The following MMP16 variants were observed in gnomAD, a reference collection of about 807,000 sequenced individuals.
The protein encoded by MMP16 is matrix metallopeptidase 16.
MMP16 carries 12 observed loss-of-function variants against 67.8 expected under a neutral mutation model. That is an observed-to-expected ratio of 0.18 (90% CI 0.11 to 0.29). The LOEUF (loss-of-function observed/expected upper bound fraction) is 0.29, where lower values mean the gene tolerates loss of function less well. Among genes scored for constraint, MMP16 ranks in the 10% least tolerant of loss-of-function variants. The pLI, the probability that MMP16 is intolerant of heterozygous loss-of-function variation, is 1.00. For synonymous variants in MMP16, 249 were observed against 255.9 expected (o/e 0.97, Z 0.26); for missense variants, 475 against 765.7 (o/e 0.62, Z 4.48).
chr8:88,231,597 A>G (rs1809859809), intron 1 of MMP16, among the ~76,000 whole-genome samples: 1 of 152,184 alleles, frequency 6.6e-6, no homozygotes, highest in South Asian at 2.1e-4. Flanking sequence ...ACCAAAGTTC[A>G]TGACTGCCAT....
chr8:88,182,683 A>T (rs1809000423), intron 3 of MMP16, among the ~76,000 whole-genome samples: 2 of 152,196 alleles, frequency 1.3e-5, no homozygotes, highest in South Asian at 4.1e-4. Context: ...GTCTTATCAT[A>T]TGATCAGCAA....
intron 1 of MMP16, among the ~76,000 whole-genome samples, chr8:88,284,044 A>G (rs1810785176): frequency 6.6e-6 from 1 of 152,236 alleles, no homozygotes; most frequent in African/African-American, 2.4e-5. Flanking sequence ...CCCAAACATC[A>G]TCACCTTTTG....
chr8:88,078,083 C>T (rs1227879534), intron 6 of MMP16, among the ~76,000 whole-genome samples: 2 of 151,804 alleles, frequency 1.3e-5, no homozygotes, highest in African/African-American at 4.8e-5. Context: ...TCTTTGTTTT[C>T]TTCTCTCTCC....
At chr8:88,248,825 A>T (rs1403417714) in intron 1 of MMP16, among the ~76,000 whole-genome samples, 1 of 151,698 alleles carries the variant, frequency 6.6e-6, no homozygotes, top group Non-Finnish European at 1.5e-5. Context: ...TTTCCCAATT[A>T]TACTGCAGAT....
At chr8:88,299,897 A>G (rs1041943721) in intron 1 of MMP16, among the ~76,000 whole-genome samples, 1 of 152,194 alleles carries the variant, frequency 6.6e-6, no homozygotes, top group Non-Finnish European at 1.5e-5. Context: ...ATGTCTTTCC[A>G]GATTATATAA....
At chr8:88,206,048 C>A (rs1485764262) in intron 1 of MMP16, among the ~76,000 whole-genome samples, 1 of 151,842 alleles carries the variant, frequency 6.6e-6, no homozygotes, top group Non-Finnish European at 1.5e-5. Flanking sequence ...CAAGAAACTA[C>A]AAGATTCTCC....
intron 6 of MMP16, 114 bp from the exon 7 acceptor site, chr8:88,074,857 A>G (rs1225493492): frequency 3.0e-6 from 4 of 1,333,976 alleles, no homozygotes; most frequent in African/African-American, 1.5e-5. Context: ...ATTGTCTTAC[A>G]TTAAATCAGT....
At chr8:88,073,641 G>C (rs570580074) in intron 7 of MMP16, among the ~76,000 whole-genome samples, 2 of 152,194 alleles carry the variant, frequency 1.3e-5, no homozygotes, top group Non-Finnish European at 2.9e-5. Context: ...GGTAGTTTGA[G>C]CCTCACTTTA....
chr8:88,046,484 G>A (rs1808200354), intron 9 of MMP16, among the ~76,000 whole-genome samples, 185 bp downstream of exon 9: 1 of 151,914 alleles, frequency 6.6e-6, no homozygotes, highest in Non-Finnish European at 1.5e-5. Context: ...CTAAGTTGAG[G>A]TTAAAAAATG....
chr8:88,137,086 G>A (rs1349971354), intron 4 of MMP16, among the ~76,000 whole-genome samples: 1 of 151,814 alleles, frequency 6.6e-6, no homozygotes, highest in Non-Finnish European at 1.5e-5. Flanking sequence ...TATTCTGGTG[G>A]ATGAGTGATA....
At chr8:88,182,049 C>T (rs1400335309) in intron 3 of MMP16, among the ~76,000 whole-genome samples, 2 of 152,048 alleles carry the variant, frequency 1.3e-5, no homozygotes, top group Non-Finnish European at 2.9e-5. Context: ...AACTACTAAA[C>T]ATCTAGAATA....
Position 88,327,256 on chromosome 8 carries a change from C to T in MMP16, c.-50G>A. The stretch of plus-strand genomic sequence containing the variant: ...ACGAGCTCCCCTTCGTTTTCTCCCT[C>T]TCTCCCTCTCCCTCCCTCCCTCGTT... On this transcript the variant is annotated 5_prime_UTR_variant, in exon 1 of 10. Transcript: ENST00000286614. The T allele has an allele frequency of 6.2e-7, 1 of 1,609,760 alleles. No homozygotes were observed. Among genetic ancestry groups the T allele is most frequent in the Non-Finnish European group, 8.5e-7 (1 of 1,177,104 alleles).
At chr8:88,249,180 A>C (rs573050754) in intron 1 of MMP16, among the ~76,000 whole-genome samples, 6 of 152,096 alleles carry the variant, frequency 3.9e-5, no homozygotes, top group Non-Finnish European at 7.4e-5. Context: ...GTCATGCAGC[A>C]TGCCTGGTGG....
rs115051502 is a variant in MMP16, at chr8:88,314,910, C to T, written c.132+12165G>A. ...CCTTGGTCTCCTTATACACCCAGCTCCATTCCTTAACTCAGAGTCTGTCCA... is the reference window on the plus strand; with the variant it reads ...CCTTGGTCTCCTTATACACCCAGCTTCATTCCTTAACTCAGAGTCTGTCCA... On this transcript the variant is annotated intron_variant, in intron 1 of 9. Transcript: ENST00000286614. Among the ~76,000 whole-genome samples, 853 of 152,276 alleles carry T rather than the reference C, an allele frequency of 5.6e-3. 9 individuals are homozygous for T. Among genetic ancestry groups the T allele is most frequent in the African/African-American group, 0.019 (803 of 41,550 alleles).
chr8:88,291,262 CAG>C (rs1371869055), intron 1 of MMP16, among the ~76,000 whole-genome samples: 2 of 152,188 alleles, frequency 1.3e-5, no homozygotes, highest in African/African-American at 4.8e-5. Flanking sequence ...GCCTAAGCAA[CAG>C]AGTCACACCC....
At chr8:88,263,013 G>A (rs569543468) in intron 1 of MMP16, among the ~76,000 whole-genome samples, 326 of 146,964 alleles carry the variant, frequency 2.2e-3, no homozygotes, top group Middle Eastern at 0.018. Context: ...GACAGAGCAA[G>A]ACTCCGTCTC....
intron 6 of MMP16, among the ~76,000 whole-genome samples, chr8:88,111,335 C>A (rs767661646): frequency 6.6e-6 from 1 of 151,624 alleles, no homozygotes; most frequent in Non-Finnish European, 1.5e-5. Flanking sequence ...ACCTGTGAAA[C>A]GACAGTCTGG....
chr8:88,252,418 T>C (rs948497583), intron 1 of MMP16, among the ~76,000 whole-genome samples: 5 of 152,074 alleles, frequency 3.3e-5, no homozygotes, highest in Admixed American at 3.3e-4. Context: ...AATATTTTCA[T>C]TATTGCCTAT....
At chr8:88,106,618 A>C (rs888997802) in intron 6 of MMP16, among the ~76,000 whole-genome samples, 2 of 151,278 alleles carry the variant, frequency 1.3e-5, no homozygotes, top group Non-Finnish European at 3.0e-5. Context: ...CCACATTTTC[A>C]CAAATGTAAG....
Sources: gnomAD v4.1 joint callset for allele counts (sites outside exome capture counted in the v4.1 genomes callset) on GRCh38, gnomAD v4.1.1 for gene constraint, MANE v1.5 for transcripts, NCBI Gene and HGNC (gene_info 2026-07-23, HGNC 2026-07-21) for gene names.